Variants in NRDC observed in about 807,000 individuals in gnomAD.
NRDC encodes nardilysin convertase.
A neutral mutation model predicts 147.1 loss-of-function variants in NRDC; 54 were observed. The observed-to-expected ratio is 0.37, with a 90% CI of 0.29 to 0.46. NRDC has a LOEUF of 0.46. NRDC is among the 20% of genes least tolerant of loss of function. The pLI is 1.00. For missense variants in NRDC, 1,082 were observed against 1,370.6 expected (o/e 0.79, Z 3.33); for synonymous variants, 440 against 482.1 (o/e 0.91, Z 1.14).
chr1:51,812,200 C>G, intron 14 of NRDC, 102 bp from the exon 15 acceptor site: 1 of 813,372 alleles, frequency 1.2e-6, no homozygotes, highest in Non-Finnish European at 2.0e-6. Context: ...ACAATAAAAC[C>G]AAAAGCTTCT....
chr1:51,790,878 A>G (rs1678601197), intron 28 of NRDC, 22 bp downstream of exon 28: 2 of 1,598,398 alleles, frequency 1.3e-6, no homozygotes, highest in Non-Finnish European at 8.6e-7. Flanking sequence ...CAAAGGCCAA[A>G]AGACCAGGCT....
intron 1 of NRDC, among the ~76,000 whole-genome samples, chr1:51,863,498 C>G (rs767548674): frequency 1.3e-5 from 2 of 152,168 alleles, no homozygotes; most frequent in Non-Finnish European, 2.9e-5. Context: ...TAAGTCATTT[C>G]AATCAAGAAT....
At chr1:51,825,793 A>T (rs1316384193) in intron 5 of NRDC, among the ~76,000 whole-genome samples, 1 of 152,232 alleles carries the variant, frequency 6.6e-6, no homozygotes, top group Admixed American at 6.5e-5. Context: ...GATGGCTAAG[A>T]ACAATCCACT....
At chr1:51,878,177 G>T in intron 1 of NRDC, 98 bp downstream of exon 1, 1 of 1,460,554 alleles carries the variant, frequency 6.8e-7, no homozygotes, top group Non-Finnish European at 9.2e-7. Context: ...AGTGTGCCCT[G>T]TTGCTCCATT....
At chr1:51,846,702 A>T (rs1411750186) in intron 1 of NRDC, among the ~76,000 whole-genome samples, 2 of 152,200 alleles carry the variant, frequency 1.3e-5, no homozygotes, top group Non-Finnish European at 2.9e-5. Context: ...CACCAACAAG[A>T]TTTATCGCCA....
chr1:51,847,963 G>C (rs1023222296), intron 1 of NRDC, among the ~76,000 whole-genome samples: 2 of 152,248 alleles, frequency 1.3e-5, no homozygotes, highest in African/African-American at 4.8e-5. Context: ...TTTATGATTT[G>C]TACAATAAAA....
chr1:51,846,116 A>AT (rs57405511), intron 1 of NRDC, among the ~76,000 whole-genome samples: 2,245 of 146,578 alleles, frequency 0.015, 67 homozygotes, highest in East Asian at 0.099. Context: ...ACACTTTATA[A>AT]TTTTTTTTTT....
intron 28 of NRDC, 66 bp from the exon 29 acceptor site, chr1:51,790,715 G>A (rs962926761): frequency 8.7e-7 from 1 of 1,154,192 alleles, no homozygotes; most frequent in Non-Finnish European, 1.3e-6. Flanking sequence ...AACACACTGG[G>A]CCCTGTCCAG....
At chr1:51,829,311 G>T (rs1046359084) in intron 4 of NRDC, among the ~76,000 whole-genome samples, 1 of 152,206 alleles carries the variant, frequency 6.6e-6, no homozygotes, top group African/African-American at 2.4e-5. Flanking sequence ...CTTCCAAAGT[G>T]CTGGGATTAT....
At chr1:51,847,564 G>A (rs931282396) in intron 1 of NRDC, among the ~76,000 whole-genome samples, 4 of 152,228 alleles carry the variant, frequency 2.6e-5, no homozygotes, top group Non-Finnish European at 4.4e-5. Context: ...CGAGCGCAGC[G>A]CCAGTGGGCT....
rs113495466 is a variant in NRDC at position 51,811,969 on chromosome 1, GT to G, written c.1779+24del. ...CACCCTCCTCTTCCCCTAAAAGTAA[GT>G]TTTAGACGTATAAACCTCCTTACTT... is the stretch of plus-strand genomic sequence containing the variant. On this transcript the variant is annotated intron_variant, in intron 15 of 30. Transcript: ENST00000352171. 9.3e-6 allele frequency: 14 copies of G among 1,501,662 alleles called. No individual in the cohort carries two copies. In the African/African-American group the frequency reaches 1.2e-4, roughly 13 times the overall value. The allele number at this position is 1,501,662 out of a possible 1,614,324, so 93.0% of individuals were successfully genotyped here.
At chr1:51,838,469 A>G (rs1416902954) in intron 2 of NRDC, among the ~76,000 whole-genome samples, 2 of 152,194 alleles carry the variant, frequency 1.3e-5, no homozygotes, top group Non-Finnish European at 2.9e-5. Context: ...TTGTCAGTTA[A>G]TAGGAAATAT....
intron 4 of NRDC, among the ~76,000 whole-genome samples, chr1:51,833,049 A>C (rs907856845): frequency 6.6e-5 from 10 of 152,242 alleles, no homozygotes; most frequent in Non-Finnish European, 1.3e-4. Context: ...GGTATACTTT[A>C]AAAAATATAG....
intron 1 of NRDC, among the ~76,000 whole-genome samples, chr1:51,846,261 C>G (rs1417658657): frequency 6.6e-6 from 1 of 151,968 alleles, no homozygotes; most frequent in Non-Finnish European, 1.5e-5. Flanking sequence ...CACAGGCGTG[C>G]ACCACCGCAC....
chr1:51,792,170 G>A, intron 25 of NRDC, 72 bp from the exon 26 acceptor site: 2 of 1,585,658 alleles, frequency 1.3e-6, no homozygotes, highest in Non-Finnish European at 8.6e-7. Flanking sequence ...TCCCCAGAGT[G>A]TTTCACATAC....
chr1:51,792,032 GC>G lies in NRDC; in HGVS notation c.2876+13del. On this transcript the variant is annotated intron_variant, in intron 26 of 30. Coordinates refer to ENST00000352171, the MANE Select transcript of NRDC (RefSeq NM_001101662.2). ...GCCCTTATTTGAGCTCAGTGGCCCT[GC>G]CAGCTGACTTACCCAAGGGTCTGCT... The G allele has an allele frequency of 6.2e-7, 1 of 1,613,938 alleles. No individual in the cohort carries two copies. The highest frequency in any genetic ancestry group is 8.5e-7 in the Non-Finnish European group (1 of 1,179,904).
chr1:51,826,613 T>C (rs1277733259), intron 5 of NRDC, among the ~76,000 whole-genome samples: 2 of 152,164 alleles, frequency 1.3e-5, no homozygotes, highest in African/African-American at 4.8e-5. Flanking sequence ...AAAAAGTCAA[T>C]TATTAAAAAT....
At chr1:51,855,715 CA>C (rs926766451) in intron 1 of NRDC, among the ~76,000 whole-genome samples, 4 of 151,332 alleles carry the variant, frequency 2.6e-5, no homozygotes, top group Non-Finnish European at 4.4e-5. Flanking sequence ...ACAAAAAATA[CA>C]AAAAAAAGTA....
chr1:51,826,688 C>A (rs2149212650), intron 5 of NRDC, among the ~76,000 whole-genome samples: 1 of 152,272 alleles, frequency 6.6e-6, no homozygotes, highest in African/African-American at 2.4e-5. Flanking sequence ...CCGAAGCAGG[C>A]AGATCATGAA....
Sources: gnomAD v4.1 joint callset for allele counts (sites outside exome capture counted in the v4.1 genomes callset) on GRCh38, gnomAD v4.1.1 for gene constraint, MANE v1.5 for transcripts, NCBI Gene and HGNC (gene_info 2026-07-23, HGNC 2026-07-21) for gene names.